RXRA: variants seen among roughly 807,000 people sequenced by gnomAD.
RXRA encodes the protein retinoid X receptor alpha, also known as retinoic acid receptor RXR-alpha.
Under a neutral mutation model 44.5 loss-of-function variants are expected in RXRA, and 5 were observed. The ratio of observed to expected loss-of-function variants is 0.11; its 90% CI spans 0.06 to 0.24. The LOEUF (loss-of-function observed/expected upper bound fraction) is 0.24. Among genes scored for constraint, RXRA ranks in the 10% least tolerant of loss-of-function variants. The probability of loss-of-function intolerance (pLI) is 1.00; values close to 1 mark genes in which losing one functional copy is unlikely to be tolerated. For missense variants in RXRA, 412 were observed against 646.5 expected, an observed-to-expected ratio of 0.64 and a Z score of 3.93; for synonymous variants, 291 against 271.4, an observed-to-expected ratio of 1.07 and a Z score of -0.71.
intron 2 of RXRA, chr9:134,403,094 A>C (rs1273878393): frequency 6.6e-6 from 1 of 152,210 alleles, no homozygotes; most frequent in African/African-American, 2.4e-5. Context: ...CCAAGCCCCC[A>C]TGCCATCTCC....
intron 1 of RXRA, among the ~76,000 whole-genome samples, chr9:134,357,456 C>G (rs1830296982): frequency 6.6e-6 from 1 of 152,100 alleles, no homozygotes; most frequent in Non-Finnish European, 1.5e-5. Flanking sequence ...AGATTTCTCG[C>G]CTGTGCAGGG....
At chr9:134,368,972 G>T (rs2119075742) in intron 1 of RXRA, among the ~76,000 whole-genome samples, 1 of 132,838 alleles carries the variant, frequency 7.5e-6, no homozygotes, top group Admixed American at 7.7e-5. Flanking sequence ...TGTGTGTGTG[G>T]GGTTATGTGT....
At position 134,408,129 on chromosome 9, in the gene RXRA, GCT is replaced by G; in HGVS notation, c.280-19_280-18del. ...AAACCTGGTGTACACCCCGCTGACT[GCT>G]GTGGTTGCCCCCCCCAGCTCAGCTC... On this transcript the variant is annotated intron_variant, in intron 2 of 9. Transcript: ENST00000481739. The G allele has an allele frequency of 6.6e-7, 1 of 1,523,794 alleles. No individual in the cohort carries two copies. The highest frequency in any genetic ancestry group is 8.8e-7 in the Non-Finnish European group (1 of 1,141,102). 94.4% of individuals were successfully genotyped at this position (1,523,794 alleles called of 1,614,324 possible). A position where few individuals can be genotyped will look rare whatever the true frequency, so the allele number is the denominator to read the frequency against.
intron 1 of RXRA, among the ~76,000 whole-genome samples, chr9:134,369,454 G>T (rs188932535): frequency 8.2e-6 from 1 of 121,328 alleles, no homozygotes; most frequent in Non-Finnish European, 1.7e-5. Flanking sequence ...TATGTGGGGG[G>T]GTTGTGAGTG....
intron 1 of RXRA, among the ~76,000 whole-genome samples, chr9:134,351,471 C>A (rs553692183): frequency 6.6e-6 from 1 of 152,224 alleles, no homozygotes; most frequent in Admixed American, 6.5e-5. Flanking sequence ...CTAAACTCTG[C>A]GTCTTCCCAT....
At chr9:134,379,322 T>C (rs1830604415) in intron 1 of RXRA, 1 of 986,918 alleles carries the variant, frequency 1.0e-6, no homozygotes, top group Non-Finnish European at 1.2e-6. Context: ...GGGGTGGGGA[T>C]GAAGGAGGGC....
intron 1 of RXRA, among the ~76,000 whole-genome samples, chr9:134,391,701 A>G (rs1830802312): frequency 6.6e-6 from 1 of 152,186 alleles, no homozygotes; most frequent in Admixed American, 6.5e-5. Flanking sequence ...CCCGTCCTCC[A>G]AGGTGGGCGT....
At chr9:134,404,948 G>A (rs886720258) in intron 2 of RXRA, 39 of 152,330 alleles carry the variant, frequency 2.6e-4, no homozygotes, top group African/African-American at 8.9e-4. Flanking sequence ...TAAGTGCCAA[G>A]GATCTGAAAG....
rs34918755 is a variant in RXRA, at chr9:134,428,799, G to A, written c.911-309G>A. On this transcript the variant is annotated intron_variant, in intron 6 of 9. Coordinates refer to ENST00000481739, the MANE Select transcript of RXRA (RefSeq NM_002957.6). ...CCCTGGGTGCTCTCCCACGTGCTCCGTGGCAGGAGTGTCCTGCACACGCGG... is the reference window on the plus strand; with the variant it reads ...CCCTGGGTGCTCTCCCACGTGCTCCATGGCAGGAGTGTCCTGCACACGCGG... Among the ~76,000 whole-genome samples, 587 of 152,324 alleles carry A rather than the reference G, an allele frequency of 3.9e-3. 2 individuals carry two copies. Among genetic ancestry groups the A allele is most frequent in the South Asian group, 0.03 (143 of 4,826 alleles).
chr9:134,363,564 A>G (rs943037221), intron 1 of RXRA, among the ~76,000 whole-genome samples: 1 of 152,176 alleles, frequency 6.6e-6, no homozygotes, highest in Non-Finnish European at 1.5e-5. Context: ...ATGGGCCTAC[A>G]CTGCCCTCCA....
intron 1 of RXRA, among the ~76,000 whole-genome samples, chr9:134,335,688 C>T (rs1041189531): frequency 1.3e-5 from 2 of 152,178 alleles, no homozygotes; most frequent in African/African-American, 2.4e-5. Context: ...TGGCCGCCCC[C>T]AGCTGGCCTG....
At chr9:134,379,401 C>G (rs1164943760) in intron 1 of RXRA, 37 of 987,420 alleles carry the variant, frequency 3.7e-5, no homozygotes, top group Non-Finnish European at 4.0e-5. Flanking sequence ...CTGGGGCACC[C>G]TGAGATGGGG....
At chr9:134,412,226 G>C (rs1831161007) in intron 4 of RXRA, among the ~76,000 whole-genome samples, 1 of 152,240 alleles carries the variant, frequency 6.6e-6, no homozygotes, top group Admixed American at 6.5e-5. Context: ...GAGCATGCAG[G>C]ATGGGAGCTG....
intron 1 of RXRA, among the ~76,000 whole-genome samples, chr9:134,328,927 A>G (rs1423624933): frequency 3.3e-5 from 5 of 152,202 alleles, no homozygotes; most frequent in South Asian, 2.1e-4. Flanking sequence ...GGATGAGTGC[A>G]GCGTCCAGAT....
intron 5 of RXRA, among the ~76,000 whole-genome samples, chr9:134,419,436 C>T (rs1831291633): frequency 6.6e-6 from 1 of 152,214 alleles, no homozygotes; most frequent in Admixed American, 6.5e-5. Flanking sequence ...GGGGGTCTCT[C>T]TGTGCCCGCT....
intron 4 of RXRA, among the ~76,000 whole-genome samples, chr9:134,412,370 C>T (rs111264085): frequency 1.6e-4 from 24 of 152,352 alleles, no homozygotes; most frequent in Admixed American, 1.0e-3. Flanking sequence ...GCTGAGGCGT[C>T]GCATCCCAGT....
chr9:134,390,559 G>A (rs1429039640), intron 1 of RXRA, among the ~76,000 whole-genome samples: 1 of 152,210 alleles, frequency 6.6e-6, no homozygotes, highest in African/African-American at 2.4e-5. Context: ...GCCTGACCCG[G>A]GCCCTCAGCA....
chr9:134,327,095 C>T (rs1372899271), intron 1 of RXRA, among the ~76,000 whole-genome samples: 1 of 152,052 alleles, frequency 6.6e-6, no homozygotes, highest in Non-Finnish European at 1.5e-5. Context: ...CGCCGCCCGC[C>T]CGTCGGGCTG....
chr9:134,332,980 G>T (rs552923652), intron 1 of RXRA, among the ~76,000 whole-genome samples: 23 of 152,168 alleles, frequency 1.5e-4, no homozygotes, highest in Non-Finnish European at 2.6e-4. Context: ...TCCCGGGCAC[G>T]GGTATGGGTG....
Sources: gnomAD v4.1 joint callset for allele counts (sites outside exome capture counted in the v4.1 genomes callset) on GRCh38, gnomAD v4.1.1 for gene constraint, MANE v1.5 for transcripts, NCBI Gene and HGNC (gene_info 2026-07-23, HGNC 2026-07-21) for gene names.